The following CACNA1D variants were observed in gnomAD, a reference collection of about 807,000 sequenced individuals.
The protein encoded by CACNA1D is voltage-dependent L-type calcium channel subunit alpha-1D.
A neutral mutation model predicts 257.1 loss-of-function variants in CACNA1D; 55 were observed. The observed-to-expected ratio is 0.21, with a 90% CI of 0.17 to 0.27. The LOEUF (loss-of-function observed/expected upper bound fraction) is 0.27. Ranked by LOEUF, CACNA1D falls within the 10% of genes least tolerant of loss-of-function variation. The pLI, the probability that CACNA1D is intolerant of heterozygous loss-of-function variation, is 1.00. For synonymous variants in CACNA1D, 980 were observed against 1,014.9 expected (o/e 0.97, Z 0.65); for missense variants, 1,876 against 2,784.0 (o/e 0.67, Z 7.34).
chr3:53,771,214 ATATAGATTCTTAG>A (rs759358663), intron 32 of CACNA1D, among the ~76,000 whole-genome samples: 5 of 152,250 alleles, frequency 3.3e-5, no homozygotes, highest in Non-Finnish European at 5.9e-5. Flanking sequence ...GGTGTGGGAA[ATATAGATTCTTAG>A]TAAAAGGTGG....
At chr3:53,597,408 A>G (rs1050860550) in intron 3 of CACNA1D, among the ~76,000 whole-genome samples, 3 of 152,228 alleles carry the variant, frequency 2.0e-5, no homozygotes, top group African/African-American at 7.2e-5. Flanking sequence ...TCAAGACCAC[A>G]GCACCAGGAG....
intron 3 of CACNA1D, among the ~76,000 whole-genome samples, chr3:53,559,873 A>G (rs1320802302): frequency 1.3e-5 from 2 of 152,104 alleles, no homozygotes; most frequent in Non-Finnish European, 1.5e-5. Flanking sequence ...AAAAAGAAGC[A>G]ATGGAAATTC....
rs530762892 is a variant in CACNA1D at position 53,725,281 on chromosome 3, A to G, written c.2100+1282A>G. On this transcript the variant is annotated intron_variant, in intron 14 of 47. Transcript: ENST00000350061. Reference sequence around the variant, plus strand: ...AAGAGCCTTCCTGCTTGGTCCATAAAAGGCTGCCCCTCCTTTGAAACGCTG... The same window carrying G: ...AAGAGCCTTCCTGCTTGGTCCATAAGAGGCTGCCCCTCCTTTGAAACGCTG... 1.4e-4 allele frequency among the ~76,000 whole-genome samples: 22 copies of G among 152,180 alleles called. No individual in the cohort carries two copies. The South Asian group carries it at 4.4e-3, about 30-fold the overall frequency.
At chr3:53,733,746 A>C (rs1047334246) in intron 19 of CACNA1D, among the ~76,000 whole-genome samples, 1 of 151,698 alleles carries the variant, frequency 6.6e-6, no homozygotes, top group Non-Finnish European at 1.5e-5. Context: ...TCAGAGAACA[A>C]CTCTTTATAA....
chr3:53,771,617 C>A (rs1006090810), intron 32 of CACNA1D, among the ~76,000 whole-genome samples: 2 of 152,132 alleles, frequency 1.3e-5, no homozygotes, highest in Non-Finnish European at 2.9e-5. Flanking sequence ...ACAGAATCCT[C>A]GACAGTTATT....
intron 3 of CACNA1D, among the ~76,000 whole-genome samples, chr3:53,548,492 G>A (rs1007200193): frequency 7.2e-5 from 11 of 151,938 alleles, no homozygotes; most frequent in Non-Finnish European, 1.5e-5. Context: ...ATCATGCCGG[G>A]TCACTGTTAG....
intron 8 of CACNA1D, among the ~76,000 whole-genome samples, chr3:53,688,510 C>T (rs1329949827): frequency 6.6e-6 from 1 of 152,186 alleles, no homozygotes; most frequent in African/African-American, 2.4e-5. Flanking sequence ...ATGGGAAGGG[C>T]CTGGATAAAC....
At chr3:53,685,592 CCT>C (rs1476936589) in intron 8 of CACNA1D, among the ~76,000 whole-genome samples, 1 of 152,108 alleles carries the variant, frequency 6.6e-6, no homozygotes, top group East Asian at 1.9e-4. Context: ...AGTCTCATTA[CCT>C]CTCGATTGAA....
Position 53,494,685 on chromosome 3 carries a change from C to T in CACNA1D, c.-482C>T, listed in dbSNP as rs1472045587. On this transcript the variant is annotated 5_prime_UTR_variant, in exon 1 of 48. Transcript: ENST00000350061. ...GAGCGCCTCCGTCCCCGGATGTGAG[C>T]TCCGGCTGCCCGCGGTCCCGAGCCA... 1 of 145,872 alleles carries T rather than the reference C, an allele frequency of 6.9e-6. No individual in the cohort carries two copies. The highest frequency in any genetic ancestry group is 2.5e-5 in the African/African-American group (1 of 40,528). The allele number at this position is 145,872 out of a possible 1,614,324, so 9.0% of individuals were successfully genotyped here.
At chr3:53,686,114 G>A (rs1369857767) in intron 8 of CACNA1D, among the ~76,000 whole-genome samples, 3 of 151,948 alleles carry the variant, frequency 2.0e-5, no homozygotes, top group African/African-American at 4.8e-5. Context: ...GGAGAAACAG[G>A]CAAATTCCTT....
chr3:53,800,376 C>A lies in CACNA1D; in HGVS notation c.5040+11C>A. 1 of 1,531,236 alleles carries A rather than the reference C, an allele frequency of 6.5e-7. No individual in the cohort carries two copies. Among genetic ancestry groups the A allele is most frequent in the African/African-American group, 1.4e-5 (1 of 73,496 alleles). 94.9% of individuals were successfully genotyped at this position (1,531,236 alleles called of 1,614,324 possible). A position where few individuals can be genotyped will look rare whatever the true frequency, so the allele number is the denominator to read the frequency against. On this transcript the variant is annotated intron_variant, in intron 41 of 47. Coordinates refer to ENST00000350061, the MANE Select transcript of CACNA1D (RefSeq NM_001128840.3). This position sits in a 1 kb window ranked among gnomAD's most constrained non-coding sequence, Gnocchi z 4.3. ...GATGATGTGTTCAAAGTAATTATTC[C>A]ACGCCTAGCTACACACTGGCCATCT...
intron 3 of CACNA1D, among the ~76,000 whole-genome samples, chr3:53,554,174 C>T (rs886818143): frequency 3.4e-5 from 5 of 146,534 alleles, no homozygotes. Flanking sequence ...CCAGCCTGGG[C>T]AACAGAGTGA....
intron 8 of CACNA1D, among the ~76,000 whole-genome samples, chr3:53,675,416 G>C (rs1225832443): frequency 6.6e-6 from 1 of 152,200 alleles, no homozygotes; most frequent in Non-Finnish European, 1.5e-5. Context: ...CAGCAATCCT[G>C]TTGTGAATTC....
chr3:53,721,577 T>C (rs1431415777), intron 11 of CACNA1D, among the ~76,000 whole-genome samples: 1 of 152,202 alleles, frequency 6.6e-6, no homozygotes, highest in Admixed American at 6.5e-5. Context: ...AATCAGGAAC[T>C]GAAGGTAGGT....
chr3:53,791,852 CAG>C (rs1436385875), intron 40 of CACNA1D: 1 of 152,236 alleles, frequency 6.6e-6, no homozygotes, highest in Non-Finnish European at 1.5e-5. Flanking sequence ...CACTGGGAGT[CAG>C]GGAACCTGGG....
rs116660539 is a variant in CACNA1D at position 53,512,656 on chromosome 3, C to T, written c.483+10936C>T. On this transcript the variant is annotated intron_variant, in intron 3 of 47. Coordinates refer to ENST00000350061, the MANE Select transcript of CACNA1D (RefSeq NM_001128840.3). ...GTTTTCTTCCTACCCACCTCAGTTACAACTATGACTCCAGGTTGAAGTTGG... is the reference window on the plus strand; with the variant it reads ...GTTTTCTTCCTACCCACCTCAGTTATAACTATGACTCCAGGTTGAAGTTGG... 8.6e-3 allele frequency among the ~76,000 whole-genome samples: 1,314 copies of T among 152,306 alleles called. 22 individuals carry two copies. The highest frequency in any genetic ancestry group is 0.03 in the African/African-American group (1,250 of 41,560).
rs755747884 is a variant in CACNA1D, at chr3:53,780,125, G to C, written c.4687G>C (p.Glu1563Gln). Residue 1563 changes from glutamate to glutamine, a missense_variant, in exon 38 of 48, where the codon GAA (glutamate) becomes CAA (glutamine). This residue lies in a region of CACNA1D where 160 missense variants were observed against 236.6 expected (regional missense o/e 0.68). Transcript: ENST00000350061. ...LVRTALKIKTEGNLEQANEEL... is the reference protein window; with the variant it reads ...LVRTALKIKTQGNLEQANEEL... Reference sequence around the variant, plus strand: ...TCGAACGGCTCTTAAGATCAAGACCGAAGGTGAGCATTCCCTGCCAGCAAG... The same window carrying C: ...TCGAACGGCTCTTAAGATCAAGACCCAAGGTGAGCATTCCCTGCCAGCAAG... 1.2e-6 allele frequency: 2 copies of C among 1,609,394 alleles called. No individual in the cohort carries two copies. The highest frequency in any genetic ancestry group is 1.7e-6 in the Non-Finnish European group (2 of 1,175,682).
At chr3:53,657,682 T>A (rs2094161812) in intron 4 of CACNA1D, among the ~76,000 whole-genome samples, 1 of 152,110 alleles carries the variant, frequency 6.6e-6, no homozygotes, top group African/African-American at 2.4e-5. Flanking sequence ...AGAAGAAAGG[T>A]TTTAAAAAAG....
chr3:53,557,418 C>T (rs113054473), intron 3 of CACNA1D, among the ~76,000 whole-genome samples: 4,489 of 151,866 alleles, frequency 0.03, 228 homozygotes, highest in African/African-American at 0.1. Flanking sequence ...TGCTTGAACC[C>T]GGGAGGTGGA....
Sources: allele counts gnomAD v4.1 joint callset (sites outside exome capture counted in the v4.1 genomes callset), GRCh38; gene constraint gnomAD v4.1.1; regional missense constraint gnomAD v4.1.1; non-coding constraint Gnocchi (gnomAD v3.1); transcripts MANE v1.5; gene names NCBI Gene and HGNC (gene_info 2026-07-23, HGNC 2026-07-21).